Variants in TTC7B observed in about 807,000 individuals in gnomAD.
The protein encoded by TTC7B is tetratricopeptide repeat domain 7B, also known as tetratricopeptide repeat protein 7B.
TTC7B carries 28 observed loss-of-function variants against 106.8 expected under a neutral mutation model. The ratio of observed to expected loss-of-function variants is 0.26; its 90% CI spans 0.19 to 0.36. The LOEUF (loss-of-function observed/expected upper bound fraction) is 0.36. Ranked by LOEUF, TTC7B falls within the 10% of genes least tolerant of loss-of-function variation. The pLI, the probability that TTC7B is intolerant of heterozygous loss-of-function variation, is 1.00. For synonymous variants in TTC7B, 405 were observed against 430.6 expected (o/e 0.94, Z 0.74); for missense variants, 862 against 1,076.4 (o/e 0.80, Z 2.79).
intron 15 of TTC7B, among the ~76,000 whole-genome samples, chr14:90,619,983 C>T (rs1327171077): frequency 6.6e-6 from 1 of 152,158 alleles, no homozygotes; most frequent in Non-Finnish European, 1.5e-5. Flanking sequence ...GGAGGAAAGT[C>T]TCTTTTTCAT....
intron 1 of TTC7B, among the ~76,000 whole-genome samples, chr14:90,794,871 G>A (rs72695558): frequency 0.018 from 2,754 of 152,164 alleles, 39 homozygotes; most frequent in Non-Finnish European, 0.028. Flanking sequence ...TCATCCAGAG[G>A]CTGCATAGTT....
intron 19 of TTC7B, among the ~76,000 whole-genome samples, chr14:90,552,167 C>T (rs1033585640): frequency 6.6e-6 from 1 of 152,198 alleles, no homozygotes; most frequent in African/African-American, 2.4e-5. Flanking sequence ...CCCACAGCCC[C>T]ACACCTCCTG....
At chr14:90,814,333 C>T (rs944451436) in intron 1 of TTC7B, among the ~76,000 whole-genome samples, 2 of 152,204 alleles carry the variant, frequency 1.3e-5, no homozygotes, top group African/African-American at 4.8e-5. Flanking sequence ...CCTTCATCTG[C>T]CTGTCATTCT....
chr14:90,610,932 A>T (rs1892847229), intron 16 of TTC7B, 93 bp from the exon 17 acceptor site: 1 of 844,706 alleles, frequency 1.2e-6, no homozygotes, highest in African/African-American at 1.7e-5. Flanking sequence ...AGGCCAATGA[A>T]TACTTTCTGT....
intron 7 of TTC7B, among the ~76,000 whole-genome samples, chr14:90,680,899 A>T (rs952970624): frequency 1.3e-5 from 2 of 152,258 alleles, no homozygotes; most frequent in African/African-American, 4.8e-5. Context: ...GCATTTCACT[A>T]AACAGTACTC....
chr14:90,572,145 C>T (rs776860826), intron 19 of TTC7B, among the ~76,000 whole-genome samples: 4 of 152,138 alleles, frequency 2.6e-5, no homozygotes, highest in African/African-American at 4.8e-5. Context: ...CACCTTTTTC[C>T]CTCGATTCCA....
rs550105874 is a variant in TTC7B, at chr14:90,558,713, C to T, written c.2311-17124G>A. Among the ~76,000 whole-genome samples the T allele has an allele frequency of 5.9e-5, 9 of 152,368 alleles. No homozygotes were observed. The East Asian group carries it at 7.7e-4, about 13-fold the overall frequency. ...CCCGGCCAGCGCTCCTCTGCCCTGC[C>T]GGCCTCTGTTCACACTGCAGGGCGA... is the stretch of plus-strand genomic sequence containing the variant. On this transcript the variant is annotated intron_variant, in intron 19 of 19. Coordinates refer to ENST00000328459, the MANE Select transcript of TTC7B (RefSeq NM_001010854.2).
In TTC7B at chr14:90,528,975, TTTG is replaced by T. The variant is rs1889215538; in HGVS notation, c.*12390_*12392del. ...GTTTCTGATGGTGTGACCTGACTGC[TTTG>T]TTACCTGTTTCCAATGGCGTGACCT... On this transcript the variant is annotated 3_prime_UTR_variant, in exon 20 of 20. Transcript: ENST00000328459. 6.4e-6 allele frequency: 1 copy of T among 155,658 alleles called. No individual in the cohort carries two copies. The highest frequency in any genetic ancestry group is 1.4e-5 in the Non-Finnish European group (1 of 70,472). 9.6% of individuals were successfully genotyped at this position (155,658 alleles called of 1,614,324 possible).
At position 90,528,128 on chromosome 14, in the gene TTC7B, C is replaced by G. The variant is rs1201862193; in HGVS notation, c.*13240G>C. ...GCCTGCTGCCTCCCGGTTACCCATA[C>G]AAACCATGGAAACAGGAATGGGTGA... On this transcript the variant is annotated 3_prime_UTR_variant, in exon 20 of 20. Coordinates refer to ENST00000328459, the MANE Select transcript of TTC7B (RefSeq NM_001010854.2). 1.3e-5 allele frequency: 2 copies of G among 152,170 alleles called. No individual in the cohort carries two copies. Among genetic ancestry groups the G allele is most frequent in the African/African-American group, 4.8e-5 (2 of 41,446 alleles). 9.4% of individuals were successfully genotyped at this position (152,170 alleles called of 1,614,324 possible).
intron 15 of TTC7B, among the ~76,000 whole-genome samples, chr14:90,620,814 G>C (rs771798130): frequency 3.3e-4 from 50 of 152,214 alleles, no homozygotes; most frequent in Non-Finnish European, 5.6e-4. Flanking sequence ...AGCCTTCTTG[G>C]CTGGAAAAAG....
intron 15 of TTC7B, among the ~76,000 whole-genome samples, chr14:90,633,963 C>T (rs903919258): frequency 3.3e-5 from 5 of 152,002 alleles, no homozygotes; most frequent in Non-Finnish European, 1.5e-5. Context: ...CAACCTCCGC[C>T]TCCCAGGTTC....
rs1889150092 is a variant in TTC7B at position 90,526,321 on chromosome 14, AC to A, written c.*15046del. On this transcript the variant is annotated 3_prime_UTR_variant, in exon 20 of 20. Transcript: ENST00000328459. ...TCATGTGCTTGTTGGCCTAGACCTT[AC>A]TTTAAAAAAAAATAAACTATTAAGT... 6.6e-6 allele frequency: 1 copy of A among 152,148 alleles called. No homozygotes were observed. Among genetic ancestry groups the A allele is most frequent in the South Asian group, 2.1e-4 (1 of 4,824 alleles). The allele number at this position is 152,148 out of a possible 1,614,324, so 9.4% of individuals were successfully genotyped here. A position where few individuals can be genotyped will look rare whatever the true frequency, so the allele number is the denominator to read the frequency against.
At chr14:90,746,857 T>C (rs1484807719) in intron 3 of TTC7B, among the ~76,000 whole-genome samples, 1 of 152,222 alleles carries the variant, frequency 6.6e-6, no homozygotes, top group African/African-American at 2.4e-5. Context: ...CAAAGGTCTT[T>C]CTTTTACTGA....
At chr14:90,690,163 T>G (rs1459581539) in intron 6 of TTC7B, among the ~76,000 whole-genome samples, 1 of 152,224 alleles carries the variant, frequency 6.6e-6, no homozygotes, top group Non-Finnish European at 1.5e-5. Context: ...GACAATCCGA[T>G]GTCCACTGTA....
chr14:90,565,557 A>G (rs1324848244), intron 19 of TTC7B, among the ~76,000 whole-genome samples: 1 of 151,768 alleles, frequency 6.6e-6, no homozygotes, highest in Non-Finnish European at 1.5e-5. Context: ...ATGCGCCACC[A>G]TGCCCGGCTA....
chr14:90,603,316 G>A (rs1424984087), intron 17 of TTC7B: 2 of 1,283,330 alleles, frequency 1.6e-6, no homozygotes, highest in South Asian at 1.3e-5. Context: ...TGGAACAACA[G>A]ATCAAACCAA....
intron 18 of TTC7B, among the ~76,000 whole-genome samples, chr14:90,587,536 GC>G (rs1194224360): frequency 6.6e-6 from 1 of 152,178 alleles, no homozygotes; most frequent in Admixed American, 6.5e-5. Context: ...TGAGGTCACT[GC>G]CCAAGTGTGT....
At chr14:90,794,049 C>T (rs559397074) in intron 1 of TTC7B, among the ~76,000 whole-genome samples, 3 of 151,344 alleles carry the variant, frequency 2.0e-5, no homozygotes, top group East Asian at 3.9e-4. Context: ...ATTACAGGCA[C>T]GCGCCACCAT....
chr14:90,652,890 G>A lies in TTC7B; in HGVS notation c.1468C>T (p.Arg490Ter). The A allele has an allele frequency of 6.2e-7, 1 of 1,614,098 alleles. No individual in the cohort carries two copies. The highest frequency in any genetic ancestry group is 8.5e-7 in the Non-Finnish European group (1 of 1,180,014). ...CTCTGTAGGACCTCCTGCATCCCTC[G>A]CAAAGAAGCTAAGAAAAGGGTTCAA... Reference protein sequence around the residue: ...YSLQATDASLRGMQEVLQRKA... With the variant: ...YSLQATDASL Residue 490 changes from arginine to a stop codon, truncating the protein, a stop_gained, in exon 13 of 20, where the codon CGA becomes TGA. Coordinates refer to ENST00000328459, the MANE Select transcript of TTC7B (RefSeq NM_001010854.2). LOFTEE classifies it high-confidence loss of function.
Sources: allele counts gnomAD v4.1 joint callset (sites outside exome capture counted in the v4.1 genomes callset), GRCh38; gene constraint gnomAD v4.1.1; transcripts MANE v1.5; gene names NCBI Gene and HGNC (gene_info 2026-07-23, HGNC 2026-07-21).